Variants in MBD5 observed in about 807,000 individuals in gnomAD.
The protein encoded by MBD5 is methyl-CpG binding domain protein 5, also known as methyl-CpG-binding domain protein 5.
A neutral mutation model predicts 117.3 loss-of-function variants in MBD5; 13 were observed. The ratio of observed to expected loss-of-function variants is 0.11; its 90% CI spans 0.07 to 0.18. The LOEUF (loss-of-function observed/expected upper bound fraction) is 0.18, where lower values mean the gene tolerates loss of function less well. MBD5 is among the 10% of genes least tolerant of loss of function. The probability of loss-of-function intolerance (pLI) is 1.00; values close to 1 mark genes in which losing one functional copy is unlikely to be tolerated. For synonymous variants in MBD5, 727 were observed against 766.4 expected, an observed-to-expected ratio of 0.95 and a Z score of 0.85; for missense variants, 1,879 against 2,093.8, an observed-to-expected ratio of 0.90 and a Z score of 2.00.
chr2:148,177,994 CAAAACA>C (rs991515132), intron 1 of MBD5, among the ~76,000 whole-genome samples: 2 of 152,086 alleles, frequency 1.3e-5, no homozygotes, highest in African/African-American at 4.8e-5. Context: ...TGTCTCAAAA[CAAAACA>C]AAAACAAAAA....
At chr2:148,096,300 T>C (rs1048086381) in intron 1 of MBD5, among the ~76,000 whole-genome samples, 1 of 152,180 alleles carries the variant, frequency 6.6e-6, no homozygotes, top group East Asian at 1.9e-4. Flanking sequence ...ATTTTGACTC[T>C]CCAGACCTGA....
intron 4 of MBD5, among the ~76,000 whole-genome samples, chr2:148,455,074 T>A (rs1195688921): frequency 6.6e-6 from 1 of 152,188 alleles, no homozygotes; most frequent in Non-Finnish European, 1.5e-5. Flanking sequence ...TGGTTATTAT[T>A]CAGCAGTGAG....
At chr2:148,243,979 A>T (rs1235455934) in intron 3 of MBD5, 1 of 151,466 alleles carries the variant, frequency 6.6e-6, no homozygotes, top group Non-Finnish European at 1.5e-5. Flanking sequence ...GGAACCTAGC[A>T]TATTGCCTGG....
At chr2:148,155,662 A>C (rs1479797619) in intron 1 of MBD5, among the ~76,000 whole-genome samples, 1 of 152,202 alleles carries the variant, frequency 6.6e-6, no homozygotes, top group Non-Finnish European at 1.5e-5. Flanking sequence ...CACATGCCGT[A>C]TTCAACACTC....
intron 4 of MBD5, among the ~76,000 whole-genome samples, chr2:148,453,139 G>C (rs1706777726): frequency 6.7e-6 from 1 of 149,784 alleles, no homozygotes; most frequent in African/African-American, 2.5e-5. Flanking sequence ...ACAAACAAAT[G>C]ATAAACAGTA....
chr2:148,386,849 A>C (rs932258791), intron 4 of MBD5, among the ~76,000 whole-genome samples: 1 of 152,174 alleles, frequency 6.6e-6, no homozygotes, highest in Non-Finnish European at 1.5e-5. Context: ...ACCTTACCAG[A>C]AGTGACTCAA....
chr2:148,443,387 T>A (rs1706388906), intron 4 of MBD5, among the ~76,000 whole-genome samples: 1 of 151,308 alleles, frequency 6.6e-6, no homozygotes, highest in Admixed American at 6.6e-5. Flanking sequence ...GCAATCTCAC[T>A]CCTAGGTAGA....
intron 4 of MBD5, among the ~76,000 whole-genome samples, chr2:148,457,211 G>T (rs1231228275): frequency 6.6e-6 from 1 of 152,026 alleles, no homozygotes; most frequent in Non-Finnish European, 1.5e-5. Flanking sequence ...TTGAAATATA[G>T]TATTTTTTGA....
At chr2:148,399,926 C>T (rs1015573014) in intron 4 of MBD5, among the ~76,000 whole-genome samples, 13 of 152,130 alleles carry the variant, frequency 8.5e-5, no homozygotes, top group South Asian at 6.2e-4. Flanking sequence ...TGGTTTTTTT[C>T]GTTGGTCCTG....
intron 2 of MBD5, among the ~76,000 whole-genome samples, chr2:148,231,287 G>T (rs1280290927): frequency 1.3e-5 from 2 of 152,038 alleles, no homozygotes; most frequent in East Asian, 1.9e-4. Context: ...CTCCTTTTTT[G>T]GGTGGACATC....
In MBD5 at chr2:148,469,012, C is replaced by A; in HGVS notation, c.1069C>A (p.Pro357Thr). 3.7e-6 allele frequency: 6 copies of A among 1,613,346 alleles called. No individual in the cohort carries two copies. The highest frequency in any genetic ancestry group is 4.2e-6 in the Non-Finnish European group (5 of 1,179,576). ...AAAGCCATTAACATCTGAGAAAGAT[C>A]CACTTGGCATTCTTGACCCTATTCC... ...QKKPLTSEKD[P>T]LGILDPIPSK... is the part of the protein sequence containing the mutation. Residue 357 changes from proline (P) to threonine (T), a missense_variant, in exon 8 of 14, where the codon CCA becomes ACA. By Grantham distance (38) the Pro-to-Thr change is conservative. Transcript: ENST00000642680.
intron 3 of MBD5, among the ~76,000 whole-genome samples, chr2:148,294,635 T>C (rs1701607499): frequency 6.6e-6 from 1 of 151,782 alleles, no homozygotes; most frequent in Non-Finnish European, 1.5e-5. Context: ...CCCGAGTAGC[T>C]GATATTACAG....
intron 3 of MBD5, among the ~76,000 whole-genome samples, chr2:148,311,151 G>A (rs1702019924): frequency 6.6e-6 from 1 of 152,204 alleles, no homozygotes; most frequent in South Asian, 2.1e-4. Context: ...TTCTGTACAT[G>A]TCTATTAGGT....
chr2:148,262,449 T>C (rs952255217), intron 3 of MBD5, among the ~76,000 whole-genome samples: 2 of 152,164 alleles, frequency 1.3e-5, no homozygotes, highest in African/African-American at 2.4e-5. Flanking sequence ...CATATAATAT[T>C]AGCATACATT....
At chr2:148,103,926 G>A (rs948190982) in intron 1 of MBD5, among the ~76,000 whole-genome samples, 1 of 152,096 alleles carries the variant, frequency 6.6e-6, no homozygotes, top group Non-Finnish European at 1.5e-5. Flanking sequence ...TTTATAGCAA[G>A]TACCATGCTT....
At chr2:148,125,451 T>A (rs1177637485) in intron 1 of MBD5, among the ~76,000 whole-genome samples, 1 of 152,256 alleles carries the variant, frequency 6.6e-6, no homozygotes, top group Admixed American at 6.5e-5. Context: ...ATCATATTTT[T>A]ACCTTTTTAA....
At chr2:148,485,368 C>A (rs904800805) in intron 9 of MBD5, 11 of 208,302 alleles carry the variant, frequency 5.3e-5, no homozygotes, top group Non-Finnish European at 8.8e-5. Context: ...CAGATACTTA[C>A]AATTGCTAAA....
At chr2:148,407,103 G>A (rs1705102742) in intron 4 of MBD5, among the ~76,000 whole-genome samples, 1 of 152,228 alleles carries the variant, frequency 6.6e-6, no homozygotes, top group African/African-American at 2.4e-5. Flanking sequence ...AGGGAAAAAG[G>A]ACATTTAGGT....
chr2:148,130,904 A>G lies in MBD5; in HGVS notation c.-924-47796A>G, dbSNP rs1697028900. ...AATATATTTTTAAAAAGCTCACCAA[A>G]GGTGATTAGAATCCAAATAGTTTGG... On this transcript the variant is annotated intron_variant, in intron 1 of 13. Transcript: ENST00000642680. 2.6e-5 allele frequency among the ~76,000 whole-genome samples: 4 copies of G among 152,340 alleles called. No homozygotes were observed. In the South Asian group the frequency reaches 8.3e-4, roughly 32 times the overall value.
Sources: allele counts gnomAD v4.1 joint callset (sites outside exome capture counted in the v4.1 genomes callset), GRCh38; gene constraint gnomAD v4.1.1; transcripts MANE v1.5; gene names NCBI Gene and HGNC (gene_info 2026-07-23, HGNC 2026-07-21).